TARS3: variants seen among roughly 807,000 people sequenced by gnomAD.
The protein encoded by TARS3 is threonine--tRNA ligase 2, cytoplasmic.
In TARS3, 94 loss-of-function variants were observed where a neutral mutation model predicts 103.5. That is an observed-to-expected ratio of 0.91 (90% CI 0.77 to 1.08). The LOEUF (loss-of-function observed/expected upper bound fraction) is 1.08, where lower values mean the gene tolerates loss of function less well. TARS3 is among the 50% of genes least tolerant of loss of function. The pLI, the probability that TARS3 is intolerant of heterozygous loss-of-function variation, is 0.00. For missense variants in TARS3, 952 were observed against 995.2 expected, an observed-to-expected ratio of 0.96 and a Z score of 0.58; for synonymous variants, 416 against 355.4, an observed-to-expected ratio of 1.17 and a Z score of -1.92.
At chr15:101,654,876 T>C in intron 18 of TARS3, 146 bp from the exon 19 acceptor site, 1 of 785,762 alleles carries the variant, frequency 1.3e-6, no homozygotes, top group South Asian at 1.7e-5. Flanking sequence ...CCTCTGATAG[T>C]TAAGTTTCTT....
Position 101,705,694 on chromosome 15 carries a change from G to A in TARS3, c.984C>T (p.Thr328=). ...GTGTGGACACAAACCTGTACACGGT[G>A]GTAGTTGCAGTGTTAACTTTCTCAT... ...ILNEKVNTAT[T]TVYRCGPLID... The change falls in exon 7 of 19, where the codon ACC becomes ACT. Residue 328 remains threonine (T), a synonymous_variant. Transcript: ENST00000335968. 3.7e-6 allele frequency: 6 copies of A among 1,610,998 alleles called. No homozygotes were observed. The highest frequency in any genetic ancestry group is 1.7e-5 in the Admixed American group (1 of 59,800).
At chr15:101,678,869 C>T (rs1223436706) in intron 12 of TARS3, among the ~76,000 whole-genome samples, 1 of 152,100 alleles carries the variant, frequency 6.6e-6, no homozygotes, top group African/African-American at 2.4e-5. Context: ...TCTTGATTTC[C>T]CCTCAATTGC....
At position 101,723,164 on chromosome 15, in the gene TARS3, G is replaced by A. The variant is rs202111304; in HGVS notation, c.298C>T (p.Pro100Ser). The change falls in exon 2 of 19, where the codon CCT becomes TCT. Residue 100 changes from proline to serine, a missense_variant and splice_region_variant. Pro to Ser is a moderately conservative substitution (Grantham distance 74, BLOSUM62 -1). This residue lies in a region of TARS3 where 412 missense variants were observed against 364.2 expected (regional missense o/e 1.13). Coordinates refer to ENST00000335968, the MANE Select transcript of TARS3 (RefSeq NM_152334.3). ...TTGTCTTGGCTTTGACTAGGAGGAG[G>A]CTGAAAGATAAATTATAAATGACTC... The part of the protein sequence containing the change: ...LEAAQEAGAQ[P>S]PPSQSQDKDM... The A allele has an allele frequency of 6.2e-7, 1 of 1,613,206 alleles. No individual in the cohort carries two copies. The highest frequency in any genetic ancestry group is 1.3e-5 in the African/African-American group (1 of 74,950).
chr15:101,675,921 G>C (rs986830479), intron 12 of TARS3, among the ~76,000 whole-genome samples, 184 bp from the exon 13 acceptor site: 1 of 151,914 alleles, frequency 6.6e-6, no homozygotes, highest in Non-Finnish European at 1.5e-5. Context: ...CACGTGCAGG[G>C]AATGGAGAAG....
intron 3 of TARS3, among the ~76,000 whole-genome samples, chr15:101,718,300 G>A (rs914686120): frequency 9.9e-5 from 15 of 152,118 alleles, no homozygotes; most frequent in South Asian, 2.1e-4. Flanking sequence ...ACCGGAGGGC[G>A]GAGGTTGTGG....
At chr15:101,708,694 T>C (rs2141440506) in intron 6 of TARS3, 99 bp downstream of exon 6, 1 of 819,228 alleles carries the variant, frequency 1.2e-6, no homozygotes, top group East Asian at 2.5e-5. Flanking sequence ...TGGAATAATT[T>C]GGTGAGCAAC....
intron 3 of TARS3, 78 bp from the exon 4 acceptor site, chr15:101,715,041 G>C (rs1900070695): frequency 7.2e-7 from 1 of 1,397,222 alleles, no homozygotes; most frequent in African/African-American, 1.5e-5. Context: ...AGAATTTCTA[G>C]GGTTTTTTTT....
chr15:101,724,472 A>C lies in TARS3; in HGVS notation c.-85T>G. ...GCGGACACTCAGCGCACGGCAGAAG[A>C]CAGGGCTCCCGGGAGGGGCGGGGCG... On this transcript the variant is annotated 5_prime_UTR_variant, in exon 1 of 19. Coordinates refer to ENST00000335968, the MANE Select transcript of TARS3 (RefSeq NM_152334.3). 3.8e-6 allele frequency: 5 copies of C among 1,329,754 alleles called. No homozygotes were observed. The highest frequency in any genetic ancestry group is 4.8e-6 in the Non-Finnish European group (5 of 1,045,522). 82.4% of individuals were successfully genotyped at this position (1,329,754 alleles called of 1,614,324 possible).
At position 101,724,421 on chromosome 15, in the gene TARS3, G is replaced by A. The variant is rs1900674550; in HGVS notation, c.-34C>T. The A allele has an allele frequency of 1.5e-6, 2 of 1,371,164 alleles. No homozygotes were observed. The highest frequency in any genetic ancestry group is 1.9e-6 in the Non-Finnish European group (2 of 1,069,748). The allele number at this position is 1,371,164 out of a possible 1,614,324, so 84.9% of individuals were successfully genotyped here. Reference sequence around the variant, plus strand: ...CCCTCAGGCACCGACGCCGAGCGGGGTGCCCGCGACTGCGGCGAGGGCGAC... The same window carrying A: ...CCCTCAGGCACCGACGCCGAGCGGGATGCCCGCGACTGCGGCGAGGGCGAC... On this transcript the variant is annotated 5_prime_UTR_variant, in exon 1 of 19. Coordinates refer to ENST00000335968, the MANE Select transcript of TARS3 (RefSeq NM_152334.3).
chr15:101,674,890 T>G (rs1897959699), intron 13 of TARS3, among the ~76,000 whole-genome samples: 1 of 152,116 alleles, frequency 6.6e-6, no homozygotes, highest in Admixed American at 6.5e-5. Flanking sequence ...TTAACCTGAT[T>G]GCCATCAATT....
At chr15:101,697,215 T>C (rs1899022868) in intron 10 of TARS3, among the ~76,000 whole-genome samples, 1 of 152,136 alleles carries the variant, frequency 6.6e-6, no homozygotes, top group South Asian at 2.1e-4. Flanking sequence ...TCAGAAGAAA[T>C]GAAGCTCTCC....
At chr15:101,663,881 T>C (rs1006314636) in intron 15 of TARS3, among the ~76,000 whole-genome samples, 28 of 152,220 alleles carry the variant, frequency 1.8e-4, no homozygotes, top group Non-Finnish European at 4.4e-5. Flanking sequence ...TAAAAGCTCT[T>C]TATCGTGATA....
At chr15:101,677,501 CT>C (rs36095342) in intron 12 of TARS3, among the ~76,000 whole-genome samples, 213 of 143,230 alleles carry the variant, frequency 1.5e-3, no homozygotes, top group East Asian at 6.7e-3. Flanking sequence ...AGTTCTCCAG[CT>C]TTTTTTTTTT....
chr15:101,697,354 G>A (rs1308854107), intron 10 of TARS3, among the ~76,000 whole-genome samples: 2 of 152,152 alleles, frequency 1.3e-5, no homozygotes, highest in Non-Finnish European at 2.9e-5. Flanking sequence ...AACAGATGGT[G>A]GGTAACACTG....
chr15:101,670,283 A>T (rs770561034), intron 15 of TARS3, among the ~76,000 whole-genome samples: 5 of 152,232 alleles, frequency 3.3e-5, no homozygotes, highest in Non-Finnish European at 5.9e-5. Flanking sequence ...TCCAAGGGCT[A>T]GTATCTAGAA....
intron 13 of TARS3, among the ~76,000 whole-genome samples, chr15:101,672,375 T>C (rs1329463447): frequency 6.6e-6 from 1 of 152,152 alleles, no homozygotes; most frequent in Non-Finnish European, 1.5e-5. Flanking sequence ...ATGAAAAATT[T>C]CCCAGAGTCT....
At chr15:101,665,933 G>A (rs907769328) in intron 15 of TARS3, among the ~76,000 whole-genome samples, 3 of 152,238 alleles carry the variant, frequency 2.0e-5, no homozygotes, top group South Asian at 4.1e-4. Context: ...CACAAGATGA[G>A]AACAAGACTT....
chr15:101,715,232 C>T (rs1267840424), intron 3 of TARS3, among the ~76,000 whole-genome samples: 13 of 149,970 alleles, frequency 8.7e-5, no homozygotes, highest in African/African-American at 2.9e-4. Flanking sequence ...CTGCAAGCTC[C>T]GCCTCCCGGG....
In TARS3 at chr15:101,661,892, G is replaced by A. The variant is rs1897395704; in HGVS notation, c.1968-76C>T. ...ATCTTCTAGCCTTATATTTAATTTT[G>A]AGAATAGATTTAGATTAGTGATATC... On this transcript the variant is annotated intron_variant, in intron 15 of 18. Coordinates refer to ENST00000335968, the MANE Select transcript of TARS3 (RefSeq NM_152334.3). 3.3e-6 allele frequency: 3 copies of A among 910,966 alleles called. No individual in the cohort carries two copies. The African/African-American group carries it at 5.2e-5, about 16-fold the overall frequency. The allele number at this position is 910,966 out of a possible 1,614,324, so 56.4% of individuals were successfully genotyped here.
Sources: allele counts gnomAD v4.1 joint callset (sites outside exome capture counted in the v4.1 genomes callset), GRCh38; gene constraint gnomAD v4.1.1; regional missense constraint gnomAD v4.1.1; transcripts MANE v1.5; gene names NCBI Gene and HGNC (gene_info 2026-07-23, HGNC 2026-07-21).